The following ATP1B3 variants were observed in gnomAD, a reference collection of about 807,000 sequenced individuals.
ATP1B3 encodes the protein sodium/potassium-transporting ATPase subunit beta-3.
A neutral mutation model predicts 30.2 loss-of-function variants in ATP1B3; 10 were observed. The observed-to-expected ratio is 0.33, with a 90% CI of 0.20 to 0.56. The LOEUF (loss-of-function observed/expected upper bound fraction) is 0.56. ATP1B3 is among the 20% of genes least tolerant of loss of function. The pLI is 0.90. For synonymous variants in ATP1B3, 113 were observed against 117.0 expected, an observed-to-expected ratio of 0.97 and a Z score of 0.22; for missense variants, 238 against 336.7, an observed-to-expected ratio of 0.71 and a Z score of 2.29.
At chr3:141,905,728 A>G (rs1180474616) in intron 2 of ATP1B3, among the ~76,000 whole-genome samples, 1 of 152,118 alleles carries the variant, frequency 6.6e-6, no homozygotes, top group Non-Finnish European at 1.5e-5. Context: ...TTCTAAGATT[A>G]TTCTTTACTT....
chr3:141,917,385 A>G (rs1050890225), intron 5 of ATP1B3, among the ~76,000 whole-genome samples: 3 of 152,046 alleles, frequency 2.0e-5, no homozygotes, highest in Non-Finnish European at 4.4e-5. Context: ...AGACAGCTCA[A>G]TGGGAAACTT....
intron 1 of ATP1B3, among the ~76,000 whole-genome samples, chr3:141,881,275 A>G (rs1362955809): frequency 6.6e-6 from 1 of 151,850 alleles, no homozygotes; most frequent in East Asian, 1.9e-4. Context: ...TCTACTTGTG[A>G]GCTTCTTTGG....
intron 5 of ATP1B3, among the ~76,000 whole-genome samples, chr3:141,919,573 A>T (rs962213320): frequency 6.6e-6 from 1 of 152,216 alleles, no homozygotes; most frequent in Non-Finnish European, 1.5e-5. Flanking sequence ...ATTAATTTTT[A>T]AACTCCATTT....
intron 1 of ATP1B3, among the ~76,000 whole-genome samples, chr3:141,889,830 C>CATATAT (rs71153925): frequency 1.0e-4 from 14 of 137,482 alleles, no homozygotes; most frequent in South Asian, 7.1e-4. Context: ...TATACATATA[C>CATATAT]ATATATATAT....
intron 1 of ATP1B3, among the ~76,000 whole-genome samples, chr3:141,886,554 T>C (rs1014863709): frequency 2.6e-5 from 4 of 152,172 alleles, no homozygotes; most frequent in African/African-American, 9.7e-5. Context: ...AGTGAACTGG[T>C]AGGTTTATAT....
At chr3:141,878,035 A>G (rs973465635) in intron 1 of ATP1B3, among the ~76,000 whole-genome samples, 1 of 152,158 alleles carries the variant, frequency 6.6e-6, no homozygotes, top group Non-Finnish European at 1.5e-5. Context: ...GTTGGTGCAG[A>G]CTGAAATGGA....
Position 141,894,326 on chromosome 3 carries a change from ATT to A in ATP1B3, c.110-9284_110-9283del, listed in dbSNP as rs34959486. On this transcript the variant is annotated intron_variant, in intron 1 of 6. Transcript: ENST00000286371. ...CCTTAGCTTACTGTAACTTTTTACA[ATT>A]TTTTTTTTTAATTGAGATGGGGTCT... Among the ~76,000 whole-genome samples, 6 of 148,966 alleles carry A rather than the reference ATT, an allele frequency of 4.0e-5. No homozygotes were observed. In the South Asian group the frequency reaches 1.3e-3, roughly 32 times the overall value.
chr3:141,910,883 A>C (rs1203899016), intron 3 of ATP1B3, among the ~76,000 whole-genome samples: 1 of 151,874 alleles, frequency 6.6e-6, no homozygotes, highest in African/African-American at 2.4e-5. Flanking sequence ...TGAAATGTAA[A>C]TTTGAACCCT....
intron 1 of ATP1B3, among the ~76,000 whole-genome samples, chr3:141,883,040 C>G (rs536166293): frequency 2.6e-5 from 4 of 152,342 alleles, no homozygotes; most frequent in Non-Finnish European, 4.4e-5. Flanking sequence ...TACTTCTCTC[C>G]TGTCATCTCT....
At chr3:141,919,439 A>G (rs1470502807) in intron 5 of ATP1B3, among the ~76,000 whole-genome samples, 1 of 152,026 alleles carries the variant, frequency 6.6e-6, no homozygotes, top group Non-Finnish European at 1.5e-5. Context: ...TATATTATCA[A>G]CTTAAAAGAT....
chr3:141,884,180 C>CA (rs1330412803), intron 1 of ATP1B3, among the ~76,000 whole-genome samples: 1 of 152,182 alleles, frequency 6.6e-6, no homozygotes, highest in African/African-American at 2.4e-5. Context: ...TAACCTCCCA[C>CA]ATACCTGTTT....
At chr3:141,887,502 T>G (rs1933858869) in intron 1 of ATP1B3, among the ~76,000 whole-genome samples, 1 of 152,172 alleles carries the variant, frequency 6.6e-6, no homozygotes, top group Admixed American at 6.5e-5. Flanking sequence ...GGTCCGGCAG[T>G]GTCTTATAAA....
intron 3 of ATP1B3, among the ~76,000 whole-genome samples, chr3:141,912,772 T>C (rs985453423): frequency 4.6e-5 from 7 of 152,174 alleles, no homozygotes; most frequent in African/African-American, 1.7e-4. Flanking sequence ...CGGAGCAGAA[T>C]TGTATTGTCT....
intron 3 of ATP1B3, among the ~76,000 whole-genome samples, chr3:141,911,490 G>T (rs1352922069): frequency 1.4e-5 from 2 of 145,180 alleles, no homozygotes; most frequent in African/African-American, 2.5e-5. Context: ...AGTTATCTTG[G>T]TCTTTTTTTT....
At chr3:141,908,277 C>G (rs567555192) in intron 3 of ATP1B3, among the ~76,000 whole-genome samples, 1 of 152,110 alleles carries the variant, frequency 6.6e-6, no homozygotes, top group Admixed American at 6.5e-5. Context: ...GTTTTTCCTC[C>G]TGTTTTGCTT....
Position 141,886,631 on chromosome 3 carries a change from C to A in ATP1B3, c.109+9721C>A, listed in dbSNP as rs1933839758. On this transcript the variant is annotated intron_variant, in intron 1 of 6. Coordinates refer to ENST00000286371, the MANE Select transcript of ATP1B3 (RefSeq NM_001679.4). ...AAGATGACCAGATAGGACTCATAGACCTAAATTCTAGTTCCACATCTCTGT... is the reference window on the plus strand; with the variant it reads ...AAGATGACCAGATAGGACTCATAGAACTAAATTCTAGTTCCACATCTCTGT... Among the ~76,000 whole-genome samples, 3 of 152,258 alleles carry A rather than the reference C, an allele frequency of 2.0e-5. No individual in the cohort carries two copies. The South Asian group carries it at 6.2e-4, about 32-fold the overall frequency.
intron 5 of ATP1B3, chr3:141,916,532 T>A (rs1453988174): frequency 1.6e-6 from 2 of 1,286,788 alleles, no homozygotes. Context: ...TTGTTTTCTC[T>A]CCATGCTGCA....
intron 1 of ATP1B3, among the ~76,000 whole-genome samples, chr3:141,897,305 T>C (rs374862228): frequency 6.6e-4 from 100 of 152,360 alleles, no homozygotes; most frequent in African/African-American, 2.4e-3. Context: ...GAGAGGATTC[T>C]TTTTGTTTTT....
chr3:141,880,506 CTT>C (rs549016281), intron 1 of ATP1B3, among the ~76,000 whole-genome samples: 76 of 151,942 alleles, frequency 5.0e-4, no homozygotes, highest in African/African-American at 1.7e-3. Flanking sequence ...TATTAAATAA[CTT>C]AAGTTCATTG....
Sources: allele counts gnomAD v4.1 joint callset (sites outside exome capture counted in the v4.1 genomes callset), GRCh38; gene constraint gnomAD v4.1.1; transcripts MANE v1.5; gene names NCBI Gene and HGNC (gene_info 2026-07-23, HGNC 2026-07-21).